The following DPY19L2 variants were observed in gnomAD, a reference collection of about 807,000 sequenced individuals.
The protein encoded by DPY19L2 is dpy-19 like 2, also known as probable C-mannosyltransferase DPY19L2.
Under a neutral mutation model 97.9 loss-of-function variants are expected in DPY19L2, and 34 were observed. The ratio of observed to expected loss-of-function variants is 0.35; its 90% CI spans 0.26 to 0.46. The LOEUF (loss-of-function observed/expected upper bound fraction) is 0.46. Among genes scored for constraint, DPY19L2 ranks in the 20% least tolerant of loss-of-function variants. The pLI, the probability that DPY19L2 is intolerant of heterozygous loss-of-function variation, is 1.00. For missense variants in DPY19L2, 623 were observed against 911.4 expected, an observed-to-expected ratio of 0.68 and a Z score of 4.07; for synonymous variants, 230 against 307.9, an observed-to-expected ratio of 0.75 and a Z score of 2.65.
chr12:63,641,158 C>T (rs181208849), intron 6 of DPY19L2, among the ~76,000 whole-genome samples: 1 of 152,222 alleles, frequency 6.6e-6, no homozygotes, highest in Admixed American at 6.5e-5. Flanking sequence ...CCCGCCTCGG[C>T]CTCCCAAAGT....
chr12:63,644,302 A>G (rs1052585306), intron 6 of DPY19L2, 101 bp downstream of exon 6: 2 of 1,434,010 alleles, frequency 1.4e-6, no homozygotes, highest in Non-Finnish European at 1.8e-6. Flanking sequence ...CTTTCCTGAT[A>G]TGAATCTAAT....
intron 6 of DPY19L2, among the ~76,000 whole-genome samples, chr12:63,637,236 A>G (rs1393765916): frequency 2.0e-5 from 3 of 152,172 alleles, no homozygotes; most frequent in East Asian, 3.9e-4. Flanking sequence ...TTTGAAACCA[A>G]TGAGAACAAA....
intron 17 of DPY19L2, among the ~76,000 whole-genome samples, chr12:63,583,349 T>C (rs1293220983): frequency 1.3e-5 from 2 of 152,226 alleles, no homozygotes; most frequent in African/African-American, 4.8e-5. Context: ...CCATATAAAA[T>C]GTTGTCTTAT....
intron 4 of DPY19L2, among the ~76,000 whole-genome samples, chr12:63,650,840 T>C (rs1210104280): frequency 6.6e-6 from 1 of 152,078 alleles, no homozygotes; most frequent in Non-Finnish European, 1.5e-5. Context: ...GAAAAACTAT[T>C]CTAAAACTTA....
chr12:63,579,181 AT>A (rs1880428606), intron 19 of DPY19L2, among the ~76,000 whole-genome samples: 1 of 152,308 alleles, frequency 6.6e-6, no homozygotes, highest in Non-Finnish European at 1.5e-5. Flanking sequence ...GGAAGTCTCC[AT>A]TTAGCCTACT....
At chr12:63,655,529 T>C (rs1228032614) in intron 4 of DPY19L2, among the ~76,000 whole-genome samples, 1 of 151,970 alleles carries the variant, frequency 6.6e-6, no homozygotes, top group Non-Finnish European at 1.5e-5. Context: ...AACAAGGTCA[T>C]TTGCTGAGAG....
At chr12:63,654,964 A>G (rs1056002400) in intron 4 of DPY19L2, among the ~76,000 whole-genome samples, 1 of 152,180 alleles carries the variant, frequency 6.6e-6, no homozygotes, top group Non-Finnish European at 1.5e-5. Flanking sequence ...TAGAAGAAAT[A>G]GACAGAAATT....
At chr12:63,667,396 A>G (rs1489402178) in intron 1 of DPY19L2, among the ~76,000 whole-genome samples, 1 of 152,050 alleles carries the variant, frequency 6.6e-6, no homozygotes, top group African/African-American at 2.4e-5. Flanking sequence ...CTTAACCCAC[A>G]TACCACATCT....
At chr12:63,637,729 C>G (rs1222572611) in intron 6 of DPY19L2, among the ~76,000 whole-genome samples, 5 of 151,810 alleles carry the variant, frequency 3.3e-5, no homozygotes, top group Admixed American at 6.6e-5. Context: ...GCCTACCAAC[C>G]AAAAAAAGTC....
chr12:63,584,012 A>T, intron 16 of DPY19L2, 176 bp from the exon 17 acceptor site: 2 of 564,682 alleles, frequency 3.5e-6, no homozygotes. Context: ...ACAACAATTT[A>T]AAAGTCATAA....
At chr12:63,579,072 G>A (rs907817514) in intron 19 of DPY19L2, among the ~76,000 whole-genome samples, 4 of 152,154 alleles carry the variant, frequency 2.6e-5, no homozygotes, top group Non-Finnish European at 5.9e-5. Context: ...ATGGCAGACG[G>A]AGAGGAAGAA....
chr12:63,626,541 CA>C lies in DPY19L2; in HGVS notation c.804-16del. 11 of 1,422,624 alleles carry C rather than the reference CA, an allele frequency of 7.7e-6. No individual in the cohort carries two copies. The highest frequency in any genetic ancestry group is 1.0e-5 in the Non-Finnish European group (11 of 1,080,842). 88.1% of individuals were successfully genotyped at this position (1,422,624 alleles called of 1,614,324 possible). A position where few individuals can be genotyped will look rare whatever the true frequency, so the allele number is the denominator to read the frequency against. The stretch of plus-strand genomic sequence containing the variant: ...GTTGAGTCCCACTGTAAAAAAAAAA[CA>C]AAAAAAACAGAGAATACAATCAAAA... On this transcript the variant is annotated splice_polypyrimidine_tract_variant and intron_variant, in intron 6 of 21. Transcript: ENST00000324472.
intron 8 of DPY19L2, among the ~76,000 whole-genome samples, chr12:63,622,037 C>T (rs1334276800): frequency 6.6e-6 from 1 of 152,046 alleles, no homozygotes; most frequent in African/African-American, 2.4e-5. Context: ...AATCTTTGTA[C>T]AATCGTATAT....
At chr12:63,598,844 G>A (rs1356235861) in intron 13 of DPY19L2, among the ~76,000 whole-genome samples, 1 of 151,794 alleles carries the variant, frequency 6.6e-6, no homozygotes, top group Non-Finnish European at 1.5e-5. Context: ...AAGTCACTCA[G>A]GACTACCAAG....
In DPY19L2 at chr12:63,631,059, T is replaced by C. The variant is rs959881695; in HGVS notation, c.804-4533A>G. On this transcript the variant is annotated intron_variant, in intron 6 of 21. Transcript: ENST00000324472. Reference sequence around the variant, plus strand: ...AACATATTAGAATCTCTGGGACACATTCAAAGCAGTGTGTAGAGGGAAATT... The same window carrying C: ...AACATATTAGAATCTCTGGGACACACTCAAAGCAGTGTGTAGAGGGAAATT... Among the ~76,000 whole-genome samples the C allele has an allele frequency of 1.6e-4, 24 of 151,914 alleles. 1 individual carries two copies. The highest frequency in any genetic ancestry group is 5.6e-4 in the African/African-American group (23 of 41,414).
intron 6 of DPY19L2, among the ~76,000 whole-genome samples, chr12:63,629,825 G>A (rs1412175926): frequency 6.6e-6 from 1 of 152,170 alleles, no homozygotes; most frequent in Admixed American, 6.5e-5. Context: ...AGAAAGGTCA[G>A]GTTACCCACA....
chr12:63,603,679 T>C (rs1048743896), intron 12 of DPY19L2, among the ~76,000 whole-genome samples: 2 of 152,188 alleles, frequency 1.3e-5, no homozygotes, highest in African/African-American at 4.8e-5. Context: ...GCTCCATCCA[T>C]GTCCCTGTCA....
chr12:63,585,942 T>C (rs1881713575), intron 16 of DPY19L2, among the ~76,000 whole-genome samples: 1 of 152,044 alleles, frequency 6.6e-6, no homozygotes, highest in African/African-American at 2.4e-5. Context: ...CAAAAGAAAG[T>C]TGAAGAGCAA....
chr12:63,632,137 C>A (rs1452496373), intron 6 of DPY19L2, among the ~76,000 whole-genome samples: 1 of 152,142 alleles, frequency 6.6e-6, no homozygotes, highest in Non-Finnish European at 1.5e-5. Flanking sequence ...TGGAAGCATT[C>A]CCTTTGAAAA....
Sources: allele counts gnomAD v4.1 joint callset (sites outside exome capture counted in the v4.1 genomes callset), GRCh38; gene constraint gnomAD v4.1.1; transcripts MANE v1.5; gene names NCBI Gene and HGNC (gene_info 2026-07-23, HGNC 2026-07-21).